The following ABTB2 variants were observed in gnomAD, a reference collection of about 807,000 sequenced individuals.
ABTB2 encodes ankyrin repeat and BTB/POZ domain-containing protein 2.
Under a neutral mutation model 104.1 loss-of-function variants are expected in ABTB2, and 56 were observed. The ratio of observed to expected loss-of-function variants is 0.54; its 90% CI spans 0.43 to 0.67. ABTB2 has a LOEUF of 0.67. ABTB2 is among the 30% of genes least tolerant of loss of function. The pLI is 0.00. For missense variants in ABTB2, 1,279 were observed against 1,407.7 expected (o/e 0.91, Z 1.46); for synonymous variants, 606 against 608.2 (o/e 1.00, Z 0.05).
rs57658114 is a variant in ABTB2 at position 34,308,868 on chromosome 11, CAAAA to C, written c.883+47829_883+47832del. 2.4e-3 allele frequency among the ~76,000 whole-genome samples: 185 copies of C among 77,800 alleles called. 2 individuals are homozygous for C. Among genetic ancestry groups the C allele is most frequent in the Middle Eastern group, 0.016 (2 of 122 alleles). The allele number at this position is 77,800 out of a possible 152,430, so 51.0% of individuals were successfully genotyped here. The stretch of plus-strand genomic sequence containing the variant: ...CTTGGGCAATGAGAGGAAACTGTCT[CAAAA>C]AAAAAAAAAAAAAAAGAAAAGAGAA... On this transcript the variant is annotated intron_variant, in intron 1 of 16. Transcript: ENST00000435224.
intron 1 of ABTB2, among the ~76,000 whole-genome samples, chr11:34,247,706 A>G (rs1854002439): frequency 6.6e-6 from 1 of 152,242 alleles, no homozygotes; most frequent in Non-Finnish European, 1.5e-5. Context: ...TAGCAAACCA[A>G]TGACACCACC....
intron 1 of ABTB2, among the ~76,000 whole-genome samples, chr11:34,352,702 T>C (rs573327715): frequency 6.6e-6 from 1 of 152,340 alleles, no homozygotes; most frequent in East Asian, 1.9e-4. Context: ...ATTTTGCAGA[T>C]GACAAAATTG....
At chr11:34,251,981 T>C (rs1350078129) in intron 1 of ABTB2, among the ~76,000 whole-genome samples, 4 of 152,192 alleles carry the variant, frequency 2.6e-5, no homozygotes, top group Non-Finnish European at 4.4e-5. Context: ...TCACAGTGTT[T>C]AGGGCACTCA....
At position 34,204,417 on chromosome 11, in the gene ABTB2, A is replaced by G. The variant is rs1310143487; in HGVS notation, c.1030+127T>C. 7.6e-6 allele frequency: 9 copies of G among 1,185,740 alleles called. No homozygotes were observed. In the South Asian group the frequency reaches 8.1e-5, roughly 11 times the overall value. 73.5% of individuals were successfully genotyped at this position (1,185,740 alleles called of 1,614,324 possible). A position where few individuals can be genotyped will look rare whatever the true frequency, so the allele number is the denominator to read the frequency against. On this transcript the variant is annotated intron_variant, in intron 2 of 16. Transcript: ENST00000435224. ...GAAAGATCTAGCTTTCAGGGAAGGC[A>G]AGGCACTTGGAGGAGGAGGAGGCCA... is the stretch of plus-strand genomic sequence containing the variant.
chr11:34,208,704 C>T (rs1358238528), intron 1 of ABTB2, among the ~76,000 whole-genome samples: 3 of 152,044 alleles, frequency 2.0e-5, no homozygotes, highest in Admixed American at 1.3e-4. Context: ...TTCCACCAGC[C>T]CCTCTGTGAG....
intron 1 of ABTB2, among the ~76,000 whole-genome samples, chr11:34,300,573 C>G (rs1854691859): frequency 6.6e-6 from 1 of 152,212 alleles, no homozygotes; most frequent in Admixed American, 6.5e-5. Flanking sequence ...AATAGTTAGG[C>G]TGGGCAATAC....
At chr11:34,300,811 C>T (rs79603193) in intron 1 of ABTB2, among the ~76,000 whole-genome samples, 1 of 152,286 alleles carries the variant, frequency 6.6e-6, no homozygotes, top group East Asian at 1.9e-4. Flanking sequence ...ACTGTAAATG[C>T]TTCCCCTTTT....
At chr11:34,310,678 C>A (rs1791548630) in intron 1 of ABTB2, among the ~76,000 whole-genome samples, 1 of 152,142 alleles carries the variant, frequency 6.6e-6, no homozygotes, top group Admixed American at 6.5e-5. Flanking sequence ...CCCCCAGCAC[C>A]CTCCCTCTGC....
intron 1 of ABTB2, among the ~76,000 whole-genome samples, chr11:34,298,142 A>C (rs1854649348): frequency 6.6e-6 from 1 of 151,754 alleles, no homozygotes; most frequent in African/African-American, 2.4e-5. Context: ...ATAACAGCAT[A>C]AACAGACTAA....
chr11:34,270,609 G>C (rs1243677863), intron 1 of ABTB2, among the ~76,000 whole-genome samples: 4 of 152,292 alleles, frequency 2.6e-5, no homozygotes, highest in African/African-American at 9.6e-5. Context: ...CAAAGTGCTG[G>C]GATTACAGGC....
chr11:34,217,547 C>G (rs964007005), intron 1 of ABTB2, among the ~76,000 whole-genome samples: 1 of 152,128 alleles, frequency 6.6e-6, no homozygotes, highest in Non-Finnish European at 1.5e-5. Context: ...CCACAATCTT[C>G]GCCTCCTGGG....
At chr11:34,163,261 G>A (rs1027791980) in intron 9 of ABTB2, among the ~76,000 whole-genome samples, 1 of 152,180 alleles carries the variant, frequency 6.6e-6, no homozygotes, top group Non-Finnish European at 1.5e-5. Context: ...GACTATGCAC[G>A]TGAAAGTGTC....
At chr11:34,258,622 T>TC (rs1854153137) in intron 1 of ABTB2, among the ~76,000 whole-genome samples, 1 of 148,538 alleles carries the variant, frequency 6.7e-6, no homozygotes, top group Non-Finnish European at 1.5e-5. Context: ...TTTTTTTTTT[T>TC]TTTTTTGAGA....
chr11:34,170,964 A>T lies in ABTB2; in HGVS notation c.1505T>A (p.Leu502His). 1 of 1,614,156 alleles carries T rather than the reference A, an allele frequency of 6.2e-7. No homozygotes were observed. Among genetic ancestry groups the T allele is most frequent in the Non-Finnish European group, 8.5e-7 (1 of 1,180,038 alleles). Residue 502 changes from leucine (L) to histidine (H), a missense_variant, in exon 5 of 17, where the codon CTC (leucine) becomes CAC (histidine). Leu to His is a moderately conservative substitution (Grantham distance 99). Coordinates refer to ENST00000435224, the MANE Select transcript of ABTB2 (RefSeq NM_145804.3). The part of the protein sequence containing the change: ...FRMLNCGRTD[L>H]INQAIEALGP... Reference sequence around the variant, plus strand: ...CAAGGCCTCGATGGCTTGGTTGATGAGGTCCGTCCTCCCACAGTTGAGCAT... The same window carrying T: ...CAAGGCCTCGATGGCTTGGTTGATGTGGTCCGTCCTCCCACAGTTGAGCAT...
intron 14 of ABTB2, among the ~76,000 whole-genome samples, chr11:34,156,554 G>A (rs545854462): frequency 6.8e-5 from 10 of 148,028 alleles, no homozygotes; most frequent in Admixed American, 2.7e-4. Flanking sequence ...ACAGAGTTTC[G>A]CTCTTGTCGC....
chr11:34,351,475 C>T (rs899757107), intron 1 of ABTB2, among the ~76,000 whole-genome samples: 27 of 152,280 alleles, frequency 1.8e-4, no homozygotes, highest in African/African-American at 6.0e-4. Context: ...TCACATCTTG[C>T]ACATCAAAGC....
chr11:34,216,133 C>G (rs1313754088), intron 1 of ABTB2, among the ~76,000 whole-genome samples: 2 of 152,174 alleles, frequency 1.3e-5, no homozygotes, highest in African/African-American at 4.8e-5. Context: ...GGAGGGAAGA[C>G]AGTATGCCAG....
At chr11:34,159,747 C>T (rs1414620939) in intron 13 of ABTB2, among the ~76,000 whole-genome samples, 159 bp downstream of exon 13, 2 of 152,262 alleles carry the variant, frequency 1.3e-5, no homozygotes, top group Non-Finnish European at 2.9e-5. Context: ...CCGTCTCATC[C>T]CGCTGTGGGG....
intron 1 of ABTB2, among the ~76,000 whole-genome samples, chr11:34,243,857 A>G (rs1481364145): frequency 6.6e-6 from 1 of 152,224 alleles, no homozygotes; most frequent in Non-Finnish European, 1.5e-5. Context: ...GTGACTCAGC[A>G]GAGGGCATTC....
Sources: gnomAD v4.1 joint callset for allele counts (sites outside exome capture counted in the v4.1 genomes callset) on GRCh38, gnomAD v4.1.1 for gene constraint, MANE v1.5 for transcripts, NCBI Gene and HGNC (gene_info 2026-07-23, HGNC 2026-07-21) for gene names.